Variants in BMAL1 observed in about 807,000 individuals in gnomAD.
BMAL1 encodes the protein basic helix-loop-helix ARNT-like protein 1.
the BMAL1 span, among the ~76,000 whole-genome samples, chr11:13,372,704 G>A: frequency 1.6e-4 from 25 of 152,228 alleles, no homozygotes; most frequent in African/African-American, 5.3e-4. Flanking sequence ...CATCTACTCT[G>A]GAGGCTGAAG....
At chr11:13,311,495 G>T in the BMAL1 span, among the ~76,000 whole-genome samples, 2 of 152,152 alleles carry the variant, frequency 1.3e-5, no homozygotes, top group East Asian at 3.8e-4. Context: ...AAGAGGGGAA[G>T]GGAAGAGGAA....
the BMAL1 span, among the ~76,000 whole-genome samples, chr11:13,280,324 T>A: frequency 6.6e-6 from 1 of 152,256 alleles, no homozygotes; most frequent in African/African-American, 2.4e-5. Flanking sequence ...TTTTCAGATT[T>A]ATCCCTTCAC....
At chr11:13,278,875 G>C in the BMAL1 span, among the ~76,000 whole-genome samples, 4 of 152,320 alleles carry the variant, frequency 2.6e-5, no homozygotes, top group South Asian at 2.1e-4. Context: ...CCGTTTGCTT[G>C]GAAGAAGACG....
chr11:13,310,807 T>C, the BMAL1 span, among the ~76,000 whole-genome samples: 3 of 152,196 alleles, frequency 2.0e-5, no homozygotes, highest in Non-Finnish European at 4.4e-5. Context: ...GGGAAGCCAT[T>C]GAAGTTATTT....
At chr11:13,284,075 GGGGT>G in the BMAL1 span, among the ~76,000 whole-genome samples, 1 of 50,662 alleles carries the variant, frequency 2.0e-5, no homozygotes, top group African/African-American at 7.2e-5. Context: ...CCACAGTGTT[GGGGT>G]GTGTGTGTGT....
At chr11:13,298,004 C>T in the BMAL1 span, among the ~76,000 whole-genome samples, 2 of 152,208 alleles carry the variant, frequency 1.3e-5, no homozygotes, top group East Asian at 1.9e-4. Context: ...TCCACAGTAG[C>T]TTCCTGTCCC....
At chr11:13,336,664 C>T in the BMAL1 span, among the ~76,000 whole-genome samples, 1 of 152,204 alleles carries the variant, frequency 6.6e-6, no homozygotes. Context: ...ATATGCTGCC[C>T]AGCACTGACT....
the BMAL1 span, chr11:13,366,524 T>A: frequency 2.7e-3 from 2,014 of 736,390 alleles, 1 homozygote; most frequent in Non-Finnish European, 3.9e-3. Context: ...GTTGGACATA[T>A]GTACAGGTTC....
chr11:13,293,523 G>C, the BMAL1 span, among the ~76,000 whole-genome samples: 1 of 152,334 alleles, frequency 6.6e-6, no homozygotes, highest in African/African-American at 2.4e-5. Flanking sequence ...CCCAGGGCCT[G>C]CCATGGGTGT....
chr11:13,318,655 C>T, the BMAL1 span, among the ~76,000 whole-genome samples: 4 of 144,922 alleles, frequency 2.8e-5, no homozygotes, highest in Admixed American at 2.2e-4. Flanking sequence ...AACTTGAGAC[C>T]ATTGCCTTCT....
At chr11:13,320,641 G>T in the BMAL1 span, among the ~76,000 whole-genome samples, 1 of 152,170 alleles carries the variant, frequency 6.6e-6, no homozygotes, top group African/African-American at 2.4e-5. Context: ...AATAAACAGT[G>T]TATAAATATG....
the BMAL1 span, chr11:13,365,436 C>T: frequency 5.6e-6 from 8 of 1,424,558 alleles, no homozygotes; most frequent in South Asian, 9.5e-5. Context: ...TATTTGTTAT[C>T]AGGGTGATTA....
At chr11:13,377,264 C>T in the BMAL1 span, among the ~76,000 whole-genome samples, 1 of 152,172 alleles carries the variant, frequency 6.6e-6, no homozygotes, top group African/African-American at 2.4e-5. Flanking sequence ...CTCTCCCGAG[C>T]TCCAGATCTG....
the BMAL1 span, chr11:13,378,500 A>T: frequency 6.4e-7 from 1 of 1,564,110 alleles, no homozygotes; most frequent in Non-Finnish European, 8.7e-7. Context: ...ACCCAGGGAA[A>T]TTTTTTCCCC....
At chr11:13,284,908 T>A in the BMAL1 span, among the ~76,000 whole-genome samples, 1 of 152,118 alleles carries the variant, frequency 6.6e-6, no homozygotes. Context: ...GCTTCCCCGC[T>A]CAACCTCCAT....
the BMAL1 span, among the ~76,000 whole-genome samples, chr11:13,377,479 C>A: frequency 6.6e-6 from 1 of 152,196 alleles, no homozygotes; most frequent in African/African-American, 2.4e-5. Flanking sequence ...TGCTATTTCA[C>A]CCTCCTCATC....
At chr11:13,370,222 G>T in the BMAL1 span, among the ~76,000 whole-genome samples, 2 of 151,948 alleles carry the variant, frequency 1.3e-5, no homozygotes, top group African/African-American at 4.8e-5. Context: ...GCTGCTACAG[G>T]CTCTCTTGCT....
At chr11:13,309,940 T>A in the BMAL1 span, 4 of 152,744 alleles carry the variant, frequency 2.6e-5, no homozygotes, top group Admixed American at 1.3e-4. Context: ...CAAAACTTAT[T>A]GGGTGCTATG....
At chr11:13,330,912 T>A in the BMAL1 span, among the ~76,000 whole-genome samples, 7 of 152,350 alleles carry the variant, frequency 4.6e-5, no homozygotes, top group African/African-American at 1.7e-4. Context: ...CAGTGCTTTT[T>A]TGCCTGTGTT....
Sources: gnomAD v4.1 joint callset for allele counts (sites outside exome capture counted in the v4.1 genomes callset) on GRCh38, gnomAD v4.1.1 for gene constraint, MANE v1.5 for transcripts, NCBI Gene and HGNC (gene_info 2026-07-23, HGNC 2026-07-21) for gene names.